PMEPA1: variants seen among roughly 807,000 people sequenced by gnomAD.
PMEPA1 encodes the protein protein TMEPAI.
A neutral mutation model predicts 23.0 loss-of-function variants in PMEPA1; 11 were observed. The ratio of observed to expected loss-of-function variants is 0.48; its 90% CI spans 0.30 to 0.79. The LOEUF is 0.79. Ranked by LOEUF, PMEPA1 falls within the 30% of genes least tolerant of loss-of-function variation. The pLI is 0.06. For synonymous variants in PMEPA1, 204 were observed against 166.4 expected (o/e 1.23, Z -1.74); for missense variants, 377 against 390.9 (o/e 0.96, Z 0.30).
At chr20:57,693,785 C>T (rs759164439) in intron 1 of PMEPA1, among the ~76,000 whole-genome samples, 29 of 152,154 alleles carry the variant, frequency 1.9e-4, no homozygotes, top group Non-Finnish European at 3.7e-4. Flanking sequence ...CACACAGCTG[C>T]GACCTGGGGC....
In PMEPA1 at chr20:57,672,783, C is replaced by T. The variant is rs560069622; in HGVS notation, c.110-13086G>A. ...CGAATCCAATTCAGTAAACACTCAGCGGAGTAGCTTAGCGGTTAAAAGGAA... is the reference window on the plus strand; with the variant it reads ...CGAATCCAATTCAGTAAACACTCAGTGGAGTAGCTTAGCGGTTAAAAGGAA... On this transcript the variant is annotated intron_variant, in intron 1 of 3. Coordinates refer to ENST00000341744, the MANE Select transcript of PMEPA1 (RefSeq NM_020182.5). 2.6e-5 allele frequency among the ~76,000 whole-genome samples: 4 copies of T among 152,270 alleles called. No individual in the cohort carries two copies. The South Asian group carries it at 6.2e-4, about 24-fold the overall frequency.
chr20:57,699,588 T>A (rs2146708868), intron 1 of PMEPA1, among the ~76,000 whole-genome samples: 1 of 152,218 alleles, frequency 6.6e-6, no homozygotes, highest in East Asian at 1.9e-4. Context: ...GCGTGTGGGG[T>A]GCAGGGCAGT....
chr20:57,684,158 GC>G (rs751529505), intron 1 of PMEPA1, among the ~76,000 whole-genome samples: 1 of 152,148 alleles, frequency 6.6e-6, no homozygotes, highest in Non-Finnish European at 1.5e-5. Flanking sequence ...CAGCTTTTGT[GC>G]CCCCTACCAA....
chr20:57,709,722 C>A lies in PMEPA1; in HGVS notation c.-140G>T. 1.0e-6 allele frequency: 1 copy of A among 978,476 alleles called. No individual in the cohort carries two copies. Among genetic ancestry groups the A allele is most frequent in the South Asian group, 4.7e-5 (1 of 21,322 alleles). The allele number at this position is 978,476 out of a possible 1,614,324, so 60.6% of individuals were successfully genotyped here. A position where few individuals can be genotyped will look rare whatever the true frequency, so the allele number is the denominator to read the frequency against. ...GCGCCCCGGCTCGCCGGGCTCGGGT[C>A]GCCGCCAAGTTCCCGGGGCGCCGCG... On this transcript the variant is annotated 5_prime_UTR_variant, in exon 1 of 4. Coordinates refer to ENST00000341744, the MANE Select transcript of PMEPA1 (RefSeq NM_020182.5).
At chr20:57,702,858 C>CA (rs910122440) in intron 1 of PMEPA1, among the ~76,000 whole-genome samples, 3 of 152,154 alleles carry the variant, frequency 2.0e-5, no homozygotes, top group African/African-American at 7.2e-5. Context: ...AGAGCAGAAG[C>CA]AAAAAAATCC....
intron 1 of PMEPA1, among the ~76,000 whole-genome samples, chr20:57,693,952 G>A (rs1336241819): frequency 6.6e-6 from 1 of 152,218 alleles, no homozygotes; most frequent in Non-Finnish European, 1.5e-5. Flanking sequence ...TCACCAGCTG[G>A]GAGCATCTCT....
intron 1 of PMEPA1, among the ~76,000 whole-genome samples, chr20:57,669,877 GA>G (rs3838937): frequency 0.12 from 18,438 of 148,590 alleles, 1,181 homozygotes; most frequent in South Asian, 0.15. Context: ...GTAAAAGAGG[GA>G]AAAAAAAAAG....
intron 1 of PMEPA1, among the ~76,000 whole-genome samples, chr20:57,671,255 G>C (rs1421400404): frequency 1.1e-4 from 16 of 152,196 alleles, no homozygotes; most frequent in Admixed American, 1.0e-3. Context: ...CAGTGAGCGA[G>C]CAGTCAGTGG....
At chr20:57,662,644 T>G (rs963913173) in intron 1 of PMEPA1, among the ~76,000 whole-genome samples, 2 of 152,146 alleles carry the variant, frequency 1.3e-5, no homozygotes, top group African/African-American at 4.8e-5. Context: ...GGTCCGTCTG[T>G]TAGCACTCAG....
chr20:57,657,584 G>A (rs963487536), intron 2 of PMEPA1, among the ~76,000 whole-genome samples: 20 of 152,240 alleles, frequency 1.3e-4, no homozygotes, highest in African/African-American at 4.6e-4. Flanking sequence ...TCCGGACAGC[G>A]TGCTGGGACG....
chr20:57,689,164 G>A (rs1468778075), intron 1 of PMEPA1, among the ~76,000 whole-genome samples: 1 of 152,204 alleles, frequency 6.6e-6, no homozygotes, highest in Non-Finnish European at 1.5e-5. Flanking sequence ...ACGTTTTGTT[G>A]GTAGGGCTGG....
intron 1 of PMEPA1, among the ~76,000 whole-genome samples, chr20:57,667,757 G>A (rs1281981783): frequency 6.6e-6 from 1 of 152,184 alleles, no homozygotes; most frequent in Non-Finnish European, 1.5e-5. Context: ...TTGTCATTCT[G>A]CAGAGCCCCA....
intron 1 of PMEPA1, among the ~76,000 whole-genome samples, chr20:57,696,683 C>T (rs2071946805): frequency 6.6e-6 from 1 of 152,210 alleles, no homozygotes; most frequent in Non-Finnish European, 1.5e-5. Flanking sequence ...CTGACTGCCT[C>T]CCAGATTCTC....
chr20:57,680,004 T>C (rs1032773704), intron 1 of PMEPA1, among the ~76,000 whole-genome samples: 15 of 152,180 alleles, frequency 9.9e-5, no homozygotes, highest in African/African-American at 3.4e-4. Flanking sequence ...GCATCCCTGG[T>C]GGGAGTGAGG....
intron 1 of PMEPA1, among the ~76,000 whole-genome samples, chr20:57,697,025 C>T (rs2071950789): frequency 6.6e-6 from 1 of 152,216 alleles, no homozygotes; most frequent in Non-Finnish European, 1.5e-5. Context: ...GGAGTTCCCG[C>T]TACATGGTAG....
At chr20:57,653,685 C>T (rs112575061) in intron 2 of PMEPA1, among the ~76,000 whole-genome samples, 10,198 of 152,264 alleles carry the variant, frequency 0.067, 494 homozygotes, top group African/African-American at 0.14. Context: ...GCTGACCAGC[C>T]CCCTGGGGCC....
At chr20:57,671,591 T>C (rs139098056) in intron 1 of PMEPA1, among the ~76,000 whole-genome samples, 236 of 152,264 alleles carry the variant, frequency 1.5e-3, no homozygotes, top group African/African-American at 5.5e-3. Context: ...TATATATATA[T>C]TGCATGGGGT....
At chr20:57,686,075 T>C (rs1291263196) in intron 1 of PMEPA1, among the ~76,000 whole-genome samples, 1 of 152,092 alleles carries the variant, frequency 6.6e-6, no homozygotes. Flanking sequence ...TGGGCCTCCA[T>C]GCAGCCAAGG....
chr20:57,650,388 C>T lies in PMEPA1; in HGVS notation c.*1665G>A, dbSNP rs578033067. On this transcript the variant is annotated 3_prime_UTR_variant, in exon 4 of 4. Transcript: ENST00000341744. ...CCACCCCCATGGGGAGGAAAGACGT[C>T]AAGCTCCAGCCACTGGCCCCGGTGG... 6.6e-6 allele frequency: 1 copy of T among 152,356 alleles called. No homozygotes were observed. Among genetic ancestry groups the T allele is most frequent in the South Asian group, 2.1e-4 (1 of 4,826 alleles). 9.4% of individuals were successfully genotyped at this position (152,356 alleles called of 1,614,324 possible). A position where few individuals can be genotyped will look rare whatever the true frequency, so the allele number is the denominator to read the frequency against.
Sources: allele counts gnomAD v4.1 joint callset (sites outside exome capture counted in the v4.1 genomes callset), GRCh38; gene constraint gnomAD v4.1.1; transcripts MANE v1.5; gene names NCBI Gene and HGNC (gene_info 2026-07-23, HGNC 2026-07-21).